The following CETN3 variants were observed in gnomAD, a reference collection of about 807,000 sequenced individuals.
CETN3 encodes the protein centrin-3.
In CETN3, 17 loss-of-function variants were observed where a neutral mutation model predicts 20.1. The observed-to-expected ratio is 0.85, with a 90% CI of 0.58 to 1.27. The LOEUF is 1.27. Ranked by LOEUF, CETN3 falls within the 50% of genes most tolerant of loss-of-function variation. The pLI, the probability that CETN3 is intolerant of heterozygous loss-of-function variation, is 0.00. For missense variants in CETN3, 169 were observed against 191.2 expected (o/e 0.88, Z 0.69); for synonymous variants, 52 against 59.7 (o/e 0.87, Z 0.59).
chr5:90,396,405 A>G (rs1399034952), intron 4 of CETN3: 1 of 1,450,044 alleles, frequency 6.9e-7, no homozygotes, highest in East Asian at 2.5e-5. Context: ...CCATGTCTGA[A>G]TATCTTAGGA....
chr5:90,396,023 A>G, intron 4 of CETN3: 1 of 897,502 alleles, frequency 1.1e-6, no homozygotes, highest in Non-Finnish European at 1.3e-6. Flanking sequence ...GTGTTGAAAA[A>G]AAATCCTTCA....
chr5:90,407,888 G>A, intron 1 of CETN3, 54 bp from the exon 2 acceptor site: 1 of 1,380,110 alleles, frequency 7.2e-7, no homozygotes, highest in African/African-American at 1.5e-5. Flanking sequence ...TTTACTAACA[G>A]AAATTAGCCA....
Position 90,409,596 on chromosome 5 carries a change from G to A in CETN3, c.17+49C>T, listed in dbSNP as rs199948578. 9,258 of 1,610,698 alleles carry A rather than the reference G, an allele frequency of 5.7e-3. 38 individuals are homozygous for A. Among genetic ancestry groups the A allele is most frequent in the Middle Eastern group, 8.8e-3 (53 of 6,056 alleles). ...CCTCCCTTCCACACACACCCTCCCT[G>A]GGCCCCGCTCCGGGGTGTGGAGAGC... On this transcript the variant is annotated intron_variant, in intron 1 of 4. Transcript: ENST00000283122.
Position 90,399,568 on chromosome 5 carries a change from T to C in CETN3, c.269-19A>G, listed in dbSNP as rs371715638. 8.9e-6 allele frequency: 14 copies of C among 1,569,240 alleles called. 1 individual carries two copies. The highest frequency in any genetic ancestry group is 4.1e-5 in the African/African-American group (3 of 73,980). ...TCTGTCACTACAGTTTAAAAACATATATATTTTAATAAACCTGCATAATCA... is the reference window on the plus strand; with the variant it reads ...TCTGTCACTACAGTTTAAAAACATACATATTTTAATAAACCTGCATAATCA... On this transcript the variant is annotated intron_variant, in intron 3 of 4. Transcript: ENST00000283122.
intron 4 of CETN3, among the ~76,000 whole-genome samples, chr5:90,398,728 T>C (rs1189980213): frequency 6.6e-6 from 1 of 152,208 alleles, no homozygotes; most frequent in Non-Finnish European, 1.5e-5. Context: ...AAGAATCGTT[T>C]CAAGTGTCTA....
rs145483785 is a variant in CETN3 at position 90,399,520 on chromosome 5, G to A, written c.298C>T (p.His100Tyr). Residue 100 changes from histidine (H) to tyrosine (Y), a missense_variant, in exon 4 of 5, where the codon CAT becomes TAT. His to Tyr is a moderately conservative substitution (Grantham distance 83, BLOSUM62 2). Coordinates refer to ENST00000283122, the MANE Select transcript of CETN3 (RefSeq NM_004365.4). Reference protein sequence around the residue: ...VTDWILERDPHEEILKAFKLF... With the variant: ...VTDWILERDPYEEILKAFKLF... ...TTAAATGCCTTGAGTATTTCTTCAT[G>A]GGGATCTCTTTCCAATATCCAGTCT... The A allele has an allele frequency of 4.3e-6, 7 of 1,612,902 alleles. No homozygotes were observed. The highest frequency in any genetic ancestry group is 5.9e-6 in the Non-Finnish European group (7 of 1,179,492).
chr5:90,397,671 T>C (rs1749166878), intron 4 of CETN3, among the ~76,000 whole-genome samples: 1 of 152,164 alleles, frequency 6.6e-6, no homozygotes, highest in African/African-American at 2.4e-5. Flanking sequence ...AGTTAATATT[T>C]TACTTCATAG....
intron 2 of CETN3, among the ~76,000 whole-genome samples, chr5:90,406,191 A>T (rs1328661503): frequency 6.6e-6 from 1 of 152,120 alleles, no homozygotes; most frequent in Non-Finnish European, 1.5e-5. Flanking sequence ...TAAAACAAGA[A>T]TTATCATCAG....
Position 90,405,908 on chromosome 5 carries a change from C to CT in CETN3, c.154-110dup. The CT allele has an allele frequency of 4.3e-6, 3 of 692,298 alleles. No individual in the cohort carries two copies. In the South Asian group the frequency reaches 5.4e-5, roughly 12 times the overall value. The allele number at this position is 692,298 out of a possible 1,614,324, so 42.9% of individuals were successfully genotyped here. The stretch of plus-strand genomic sequence containing the variant: ...ATGACAACACATTAATAAAATATAA[C>CT]TTTTTTGCATGTTTTACCTCTTTAA... On this transcript the variant is annotated intron_variant, in intron 2 of 4. Coordinates refer to ENST00000283122, the MANE Select transcript of CETN3 (RefSeq NM_004365.4).
chr5:90,402,448 G>GTC (rs1467733671), intron 3 of CETN3, among the ~76,000 whole-genome samples: 1 of 152,054 alleles, frequency 6.6e-6, no homozygotes, highest in African/African-American at 2.4e-5. Flanking sequence ...CATGCTATCC[G>GTC]TCTAGTACCA....
rs1463116303 is a variant in CETN3 at position 90,405,714 on chromosome 5, T to A, written c.239A>T (p.Lys80Ile). 2 of 1,611,418 alleles carry A rather than the reference T, an allele frequency of 1.2e-6. No individual in the cohort carries two copies. The highest frequency in any genetic ancestry group is 3.3e-5 in the Admixed American group (2 of 59,960). The part of the protein sequence containing the change: ...LKDYDREATG[K>I]ITFEDFNEVV... ...TTCATTAAAATCTTCAAAGGTGATT[T>A]TCCCTGTGGCTTCTCTGTCATAATC... Residue 80 changes from lysine to isoleucine, a missense_variant, in exon 3 of 5, where the codon AAA becomes ATA. Lys to Ile is a moderately radical substitution (Grantham distance 102, BLOSUM62 -3). Coordinates refer to ENST00000283122, the MANE Select transcript of CETN3 (RefSeq NM_004365.4).
chr5:90,407,565 A>G, intron 2 of CETN3, 134 bp downstream of exon 2: 1 of 538,538 alleles, frequency 1.9e-6, no homozygotes, highest in South Asian at 6.0e-5. Flanking sequence ...GCATCTAACT[A>G]TGAATGCTTA....
Position 90,409,641 on chromosome 5 carries a change from C to G in CETN3, c.17+4G>C, listed in dbSNP as rs368512802. 7.4e-5 allele frequency: 120 copies of G among 1,614,006 alleles called. No homozygotes were observed. The highest frequency in any genetic ancestry group is 9.3e-5 in the Non-Finnish European group (110 of 1,180,022). ...GAGAGCACTGCCGCCTCCTTATTAC[C>G]GACCTCAGAGCTAAACTCATTATCT... On this transcript the variant is annotated splice_donor_region_variant and intron_variant, in intron 1 of 4. Coordinates refer to ENST00000283122, the MANE Select transcript of CETN3 (RefSeq NM_004365.4).
intron 4 of CETN3, among the ~76,000 whole-genome samples, chr5:90,395,495 G>T (rs928310221): frequency 1.3e-5 from 2 of 151,852 alleles, no homozygotes; most frequent in Non-Finnish European, 2.9e-5. Context: ...TTATGAGACT[G>T]GCTAATCGTT....
chr5:90,395,515 G>C (rs1046524291), intron 4 of CETN3, among the ~76,000 whole-genome samples: 1 of 151,858 alleles, frequency 6.6e-6, no homozygotes, highest in Non-Finnish European at 1.5e-5. Flanking sequence ...TGTATTTTTG[G>C]TAGAGATTAG....
At position 90,407,631 on chromosome 5, in the gene CETN3, A is replaced by C. The variant is rs1749486237; in HGVS notation, c.153+68T>G. The C allele has an allele frequency of 1.8e-5, 20 of 1,094,886 alleles. No individual in the cohort carries two copies. In the South Asian group the frequency reaches 5.4e-4, roughly 29 times the overall value. The allele number at this position is 1,094,886 out of a possible 1,614,324, so 67.8% of individuals were successfully genotyped here. A position where few individuals can be genotyped will look rare whatever the true frequency, so the allele number is the denominator to read the frequency against. On this transcript the variant is annotated intron_variant, in intron 2 of 4. Transcript: ENST00000283122. ...GTTAAAATAATTATTTAGAAATGTAATGTAAAGCAACTGTAAAAATGCAAA... is the reference window on the plus strand; with the variant it reads ...GTTAAAATAATTATTTAGAAATGTACTGTAAAGCAACTGTAAAAATGCAAA...
chr5:90,398,712 G>A (rs1749202476), intron 4 of CETN3, among the ~76,000 whole-genome samples: 1 of 152,166 alleles, frequency 6.6e-6, no homozygotes, highest in Non-Finnish European at 1.5e-5. Context: ...TACTCTGTAG[G>A]CACTGAAGAA....
rs762113706 is a variant in CETN3 at position 90,405,693 on chromosome 5, T to A, written c.260A>T (p.Asn87Ile). ...ACTATTAAAATACACACCAACTTCA[T>A]TAAAATCTTCAAAGGTGATTTTCCC... ...ATGKITFEDF[N>I]EVVTDWILER... The change falls in exon 3 of 5, where the codon AAT becomes ATT. Residue 87 changes from asparagine (N) to isoleucine (I), a missense_variant. Physicochemically the swap from Asn to Ile is moderately radical, Grantham distance 149. Transcript: ENST00000283122. 2 of 1,590,066 alleles carry A rather than the reference T, an allele frequency of 1.3e-6. No homozygotes were observed. The highest frequency in any genetic ancestry group is 1.7e-6 in the Non-Finnish European group (2 of 1,158,446).
chr5:90,407,652 G>T, intron 2 of CETN3, 47 bp downstream of exon 2: 4 of 1,279,084 alleles, frequency 3.1e-6, no homozygotes, highest in Non-Finnish European at 4.1e-6. Context: ...CTGTAAAAAT[G>T]CAAATCATTT....
Sources: gnomAD v4.1 joint callset for allele counts (sites outside exome capture counted in the v4.1 genomes callset) on GRCh38, gnomAD v4.1.1 for gene constraint, MANE v1.5 for transcripts, NCBI Gene and HGNC (gene_info 2026-07-23, HGNC 2026-07-21) for gene names.